The following KDM6A variants were observed in gnomAD, a reference collection of about 807,000 sequenced individuals.
KDM6A encodes the protein lysine-specific demethylase 6A.
A neutral mutation model predicts 117.6 loss-of-function variants in KDM6A; 11 were observed. The observed-to-expected ratio is 0.09, with a 90% CI of 0.06 to 0.15. The LOEUF is 0.15. Among genes scored for constraint, KDM6A ranks in the 10% least tolerant of loss-of-function variants. The pLI, the probability that KDM6A is intolerant of heterozygous loss-of-function variation, is 1.00. For synonymous variants in KDM6A, 384 were observed against 396.1 expected (o/e 0.97, Z 0.36); for missense variants, 799 against 1,077.3 (o/e 0.74, Z 3.62).
intron 27 of KDM6A, among the ~76,000 whole-genome samples, chrX:45,095,740 C>T (rs1029603528): frequency 8.9e-6 from 1 of 111,952 alleles, no homozygotes; most frequent in African/African-American, 3.3e-5. Context: ...CCACCCACAG[C>T]AGTTTGGCTT....
intron 4 of KDM6A, among the ~76,000 whole-genome samples, chrX:45,005,128 C>T (rs1243517687): frequency 9.0e-6 from 1 of 110,735 alleles, no homozygotes; most frequent in African/African-American, 3.3e-5. Flanking sequence ...TGTTCTACCT[C>T]ACGCTGGAGT....
chrX:44,898,241 C>T (rs1266977797), intron 2 of KDM6A, among the ~76,000 whole-genome samples: 1 of 111,753 alleles, frequency 8.9e-6, no homozygotes, highest in African/African-American at 3.3e-5. Context: ...GAGTTGATGC[C>T]AGGTGGGGAA....
chrX:44,922,027 C>CTTTTTT (rs1412985730), intron 2 of KDM6A, among the ~76,000 whole-genome samples: 1,472 of 37,714 alleles, frequency 0.039, 666 homozygotes, highest in East Asian at 0.094. Flanking sequence ...ATTGTGTGTG[C>CTTTTTT]CTTTTTTTTT....
chrX:45,041,199 A>G (rs1251730257), intron 8 of KDM6A, among the ~76,000 whole-genome samples: 2 of 67,311 alleles, frequency 3.0e-5, no homozygotes, highest in African/African-American at 7.8e-5. Flanking sequence ...CCCCTCCCGG[A>G]CGGGGCGGCT....
At chrX:44,889,470 A>AT (rs961953945) in intron 2 of KDM6A, among the ~76,000 whole-genome samples, 11 of 111,527 alleles carry the variant, frequency 9.9e-5, no homozygotes, top group African/African-American at 2.9e-4. Flanking sequence ...CTTAAAAAAA[A>AT]TTTTTTTTTA....
intron 2 of KDM6A, among the ~76,000 whole-genome samples, chrX:44,954,545 G>C (rs2038210335): frequency 8.9e-6 from 1 of 111,795 alleles, no homozygotes; most frequent in African/African-American, 3.3e-5. Context: ...ATCTGCTATA[G>C]TTACATAGTT....
At chrX:45,047,687 T>TC (rs2043626193) in intron 8 of KDM6A, among the ~76,000 whole-genome samples, 3 of 69,588 alleles carry the variant, frequency 4.3e-5, no homozygotes, top group African/African-American at 1.6e-4. Flanking sequence ...TTTTTTTTTT[T>TC]TTTTTTTTTT....
At chrX:45,022,279 TCTA>T (rs1172594485) in intron 6 of KDM6A, among the ~76,000 whole-genome samples, 1 of 112,344 alleles carries the variant, frequency 8.9e-6, no homozygotes, top group Non-Finnish European at 1.9e-5. Flanking sequence ...TTGAAAGTGT[TCTA>T]CTTAACTTAA....
chrX:44,972,414 C>T (rs1421647667), intron 3 of KDM6A, among the ~76,000 whole-genome samples: 4 of 110,293 alleles, frequency 3.6e-5, no homozygotes, highest in African/African-American at 1.3e-4. Context: ...TTTTAATCCA[C>T]TGATAAAAGT....
At chrX:45,048,707 G>A (rs896021472) in intron 8 of KDM6A, among the ~76,000 whole-genome samples, 4 of 108,145 alleles carry the variant, frequency 3.7e-5, no homozygotes, top group East Asian at 2.9e-4. Flanking sequence ...ATCTAGTGCC[G>A]TTTCCTTCCT....
chrX:44,974,124 A>G (rs763508235), intron 3 of KDM6A, among the ~76,000 whole-genome samples: 28 of 111,468 alleles, frequency 2.5e-4, no homozygotes, highest in Admixed American at 2.0e-3. Flanking sequence ...GAGGCTCTGA[A>G]CATGGGATTG....
chrX:45,022,341 A>G (rs1302710453), intron 6 of KDM6A, among the ~76,000 whole-genome samples: 1 of 112,109 alleles, frequency 8.9e-6, no homozygotes, highest in Non-Finnish European at 1.9e-5. Flanking sequence ...TCAGGTAGAA[A>G]GTCTAAAAAG....
intron 2 of KDM6A, among the ~76,000 whole-genome samples, chrX:44,891,332 C>G (rs1235034136): frequency 9.0e-6 from 1 of 110,964 alleles, no homozygotes; most frequent in African/African-American, 3.3e-5. Context: ...TGAAGTTGAG[C>G]TTTGTTTTTG....
chrX:45,010,147 G>T (rs2041687334), intron 4 of KDM6A, among the ~76,000 whole-genome samples: 1 of 110,283 alleles, frequency 9.1e-6, no homozygotes, highest in African/African-American at 3.3e-5. Context: ...AACATATACT[G>T]GGTACTCAAA....
At position 45,107,510 on chromosome X, in the gene KDM6A, C is replaced by G. The variant is rs370883451; in HGVS notation, c.4135C>G (p.Pro1379Ala). ...IIWHGRTKEE[P>A]AHYCSICEVE... The stretch of plus-strand genomic sequence containing the variant: ...ATGGCATGGGCGGACAAAAGAAGAA[C>G]CAGCTCATTACTGTAGCATTTGTGA... The change falls in exon 28 of 30, where the codon CCA (proline) becomes GCA (alanine). Residue 1379 changes from proline to alanine, a missense_variant. By Grantham distance (27) the Pro-to-Ala change is conservative (BLOSUM62 -1). Around this residue, in one of 8 missense-constraint regions of KDM6A, gnomAD observed 291 missense variants for 437.9 expected, o/e 0.66. Transcript: ENST00000611820. 64 of 1,208,874 alleles carry G rather than the reference C, an allele frequency of 5.3e-5. No individual in the cohort carries two copies. Among genetic ancestry groups the G allele is most frequent in the Middle Eastern group, 4.6e-4 (2 of 4,368 alleles).
At chrX:44,997,652 C>T (rs958233963) in intron 4 of KDM6A, among the ~76,000 whole-genome samples, 1 of 111,710 alleles carries the variant, frequency 9.0e-6, no homozygotes, top group Non-Finnish European at 1.9e-5. Flanking sequence ...CAGCACTTCC[C>T]TTCTCCCATT....
rs1446087375 is a variant in KDM6A at position 45,082,699 on chromosome X, G to T, written c.3366-16G>T. On this transcript the variant is annotated splice_polypyrimidine_tract_variant and intron_variant, in intron 22 of 29. Coordinates refer to ENST00000611820, the MANE Select transcript of KDM6A (RefSeq NM_001291415.2). ...TTTTAAAAGGCATGTTTCTAATACT[G>T]TGTCTCTTTTTTAAGTTCTGGGAGG... is the stretch of plus-strand genomic sequence containing the variant. The T allele has an allele frequency of 1.7e-6, 2 of 1,196,005 alleles. No individual in the cohort carries two copies. Among genetic ancestry groups the T allele is most frequent in the East Asian group, 5.9e-5 (2 of 33,725 alleles).
At chrX:44,891,939 A>G (rs1011055813) in intron 2 of KDM6A, among the ~76,000 whole-genome samples, 1 of 112,659 alleles carries the variant, frequency 8.9e-6, no homozygotes, top group African/African-American at 3.2e-5. Flanking sequence ...TTAGACCAGT[A>G]TAAGCATGCC....
chrX:45,103,297 C>A (rs2148266782), intron 27 of KDM6A, among the ~76,000 whole-genome samples: 1 of 110,889 alleles, frequency 9.0e-6, no homozygotes, highest in Admixed American at 9.6e-5. Context: ...CCCAAAGAAG[C>A]CCCCATACTA....
Sources: allele counts gnomAD v4.1 joint callset (sites outside exome capture counted in the v4.1 genomes callset), GRCh38; gene constraint gnomAD v4.1.1; regional missense constraint gnomAD v4.1.1; transcripts MANE v1.5; gene names NCBI Gene and HGNC (gene_info 2026-07-23, HGNC 2026-07-21).